ABHD12: variants seen among roughly 807,000 people sequenced by gnomAD.
The protein encoded by ABHD12 is abhydrolase domain containing 12, lysophospholipase.
A neutral mutation model predicts 58.3 loss-of-function variants in ABHD12; 43 were observed. That is an observed-to-expected ratio of 0.74 (90% CI 0.58 to 0.95). The LOEUF (loss-of-function observed/expected upper bound fraction) is 0.95, where lower values mean the gene tolerates loss of function less well. Among genes scored for constraint, ABHD12 ranks in the 40% least tolerant of loss-of-function variants. The pLI, the probability that ABHD12 is intolerant of heterozygous loss-of-function variation, is 0.00. For synonymous variants in ABHD12, 219 were observed against 211.2 expected, an observed-to-expected ratio of 1.04 and a Z score of -0.32; for missense variants, 539 against 537.2, an observed-to-expected ratio of 1.00 and a Z score of -0.03.
At chr20:25,327,298 C>A (rs1465980278) in intron 2 of ABHD12, among the ~76,000 whole-genome samples, 3 of 152,126 alleles carry the variant, frequency 2.0e-5, no homozygotes, top group African/African-American at 7.2e-5. Context: ...GAAACCCTGT[C>A]TCTACTAAAA....
At chr20:25,323,654 G>C (rs1600798568) in intron 2 of ABHD12, among the ~76,000 whole-genome samples, 1 of 152,218 alleles carries the variant, frequency 6.6e-6, no homozygotes, top group Non-Finnish European at 1.5e-5. Flanking sequence ...CCTCAGGCAG[G>C]GTATGGGCTG....
At chr20:25,302,542 G>A (rs2088657178) in intron 11 of ABHD12, among the ~76,000 whole-genome samples, 196 bp from the exon 12 acceptor site, 1 of 152,064 alleles carries the variant, frequency 6.6e-6, no homozygotes, top group East Asian at 1.9e-4. Context: ...TTGGCTCCTG[G>A]GCACACACCA....
At chr20:25,304,629 G>A (rs1294793118) in intron 10 of ABHD12, among the ~76,000 whole-genome samples, 1 of 152,034 alleles carries the variant, frequency 6.6e-6, no homozygotes, top group Non-Finnish European at 1.5e-5. Context: ...GTGCAGTGGT[G>A]CGATCTCAGC....
At chr20:25,316,630 T>C (rs1326912437) in intron 5 of ABHD12, among the ~76,000 whole-genome samples, 1 of 152,130 alleles carries the variant, frequency 6.6e-6, no homozygotes, top group Non-Finnish European at 1.5e-5. Flanking sequence ...GCCAAGGCCC[T>C]ACCTTCCAGC....
chr20:25,355,005 C>CT (rs1411146408), intron 1 of ABHD12, among the ~76,000 whole-genome samples: 1 of 152,122 alleles, frequency 6.6e-6, no homozygotes, highest in Non-Finnish European at 1.5e-5. Flanking sequence ...ACATTATTTC[C>CT]TAAGAGGTCT....
rs2089023919 is a variant in ABHD12, at chr20:25,319,396, C to T, written c.542+803G>A. Among the ~76,000 whole-genome samples the T allele has an allele frequency of 3.3e-5, 5 of 152,330 alleles. 1 individual carries two copies. Among genetic ancestry groups the T allele is most frequent in the African/African-American group, 1.2e-4 (5 of 41,572 alleles). On this transcript the variant is annotated intron_variant, in intron 4 of 12. Coordinates refer to ENST00000339157, the MANE Select transcript of ABHD12 (RefSeq NM_001042472.3). ...TAACCAAAGAGTGCATGAACTTCAG[C>T]AACAGCCCGTTAGGGTGAGCAGAGA...
At chr20:25,295,963 T>C (rs2088536274), downstream of ABHD12, among the ~76,000 whole-genome samples, 1 of 152,152 alleles carries the variant, frequency 6.6e-6, no homozygotes. Context: ...CAGTCAGGGC[T>C]GGCCTCGAGG....
At chr20:25,327,804 A>T (rs1286866539) in intron 2 of ABHD12, among the ~76,000 whole-genome samples, 1 of 152,204 alleles carries the variant, frequency 6.6e-6, no homozygotes, top group Non-Finnish European at 1.5e-5. Flanking sequence ...GCTCCTGGTG[A>T]TAAAATCACT....
At chr20:25,296,612 G>GT, downstream of ABHD12, 1 of 1,474,046 alleles carries the variant, frequency 6.8e-7, no homozygotes, top group South Asian at 1.3e-5. Flanking sequence ...CCAGCCACTG[G>GT]TGGTCCCTGC....
At chr20:25,368,422 A>C in intron 1 of ABHD12, 2 of 1,598,852 alleles carry the variant, frequency 1.3e-6, no homozygotes, top group Non-Finnish European at 1.7e-6. Context: ...CAGTCTTGGC[A>C]GTGCAGATGA....
intron 1 of ABHD12, chr20:25,339,865 C>T (rs1356290499): frequency 1.3e-4 from 112 of 889,504 alleles, no homozygotes; most frequent in Non-Finnish European, 1.6e-4. Context: ...AGAACTGGCA[C>T]GGTGTGTCCT....
At position 25,390,536 on chromosome 20, in the gene ABHD12, C is replaced by T; in HGVS notation, c.168G>A (p.Ala56=). The change falls in exon 1 of 13, where the codon GCG becomes GCA. Residue 56 remains alanine (A), a synonymous_variant. Transcript: ENST00000339157. The part of the protein sequence containing the change: ...AAAEPRCAAD[A]GMKRALGRRK... ...ACCTGCCCAGCGCCCGCTTCATTCC[C>T]GCGTCGGCTGCGCAGCGCGGCTCAG... 3 of 1,467,030 alleles carry T rather than the reference C, an allele frequency of 2.0e-6. No individual in the cohort carries two copies. Among genetic ancestry groups the T allele is most frequent in the South Asian group, 1.3e-5 (1 of 78,278 alleles). 90.9% of individuals were successfully genotyped at this position (1,467,030 alleles called of 1,614,324 possible). A position where few individuals can be genotyped will look rare whatever the true frequency, so the allele number is the denominator to read the frequency against.
intron 2 of ABHD12, among the ~76,000 whole-genome samples, chr20:25,328,501 G>A (rs1600806039): frequency 6.6e-6 from 1 of 152,326 alleles, no homozygotes; most frequent in East Asian, 1.9e-4. Flanking sequence ...TGAGGGCCGA[G>A]GACACTGGGC....
intron 1 of ABHD12, among the ~76,000 whole-genome samples, chr20:25,355,062 A>C (rs1772225641): frequency 6.6e-6 from 1 of 152,214 alleles, no homozygotes; most frequent in African/African-American, 2.4e-5. Context: ...GGAAAAGTAA[A>C]GGTACAATCA....
chr20:25,297,196 A>G (rs1427786531), downstream of ABHD12: 1 of 152,530 alleles, frequency 6.6e-6, no homozygotes, highest in Non-Finnish European at 1.5e-5. Flanking sequence ...TGAGGGGGAC[A>G]CTGGAGTGGG....
At chr20:25,380,844 T>C (rs1469469325) in intron 1 of ABHD12, among the ~76,000 whole-genome samples, 1 of 152,178 alleles carries the variant, frequency 6.6e-6, no homozygotes, top group African/African-American at 2.4e-5. Flanking sequence ...CTCTATCCCC[T>C]ATCCACCTGG....
chr20:25,322,381 A>ATATATATATTTTT lies in ABHD12; in HGVS notation c.422+943_422+944insAAAAATATATATA. ...GGAAAAGATATATATATATATATAT[A>ATATATATATTTTT]TTTTTTTTTTTTTTTGAGACAAGAG... is the stretch of plus-strand genomic sequence containing the variant. On this transcript the variant is annotated intron_variant, in intron 3 of 12. Transcript: ENST00000339157. Among the ~76,000 whole-genome samples, 30 of 59,264 alleles carry ATATATATATTTTT rather than the reference A, an allele frequency of 5.1e-4. 1 individual carries two copies. Among genetic ancestry groups the ATATATATATTTTT allele is most frequent in the African/African-American group, 1.7e-3 (21 of 12,092 alleles). The allele number at this position is 59,264 out of a possible 152,430, so 38.9% of individuals were successfully genotyped here. A position where few individuals can be genotyped will look rare whatever the true frequency, so the allele number is the denominator to read the frequency against.
chr20:25,388,061 C>T (rs2090117567), intron 1 of ABHD12, among the ~76,000 whole-genome samples: 3 of 125,124 alleles, frequency 2.4e-5, no homozygotes, highest in South Asian at 5.1e-4. Context: ...AAAAAAAAAT[C>T]CAATCCTTCA....
rs149972914 is a variant in ABHD12 at position 25,377,938 on chromosome 20, C to T, written c.191+12575G>A. Among the ~76,000 whole-genome samples, 6 of 152,276 alleles carry T rather than the reference C, an allele frequency of 3.9e-5. No individual in the cohort carries two copies. The East Asian group carries it at 7.7e-4, about 20-fold the overall frequency. ...GTCTTGATCTCTTGATCTCGTGTTC[C>T]GCCCACCTCAGCCTCCCAAAGTGCT... is the stretch of plus-strand genomic sequence containing the variant. On this transcript the variant is annotated intron_variant, in intron 1 of 12. Transcript: ENST00000339157.
Sources: gnomAD v4.1 joint callset for allele counts (sites outside exome capture counted in the v4.1 genomes callset) on GRCh38, gnomAD v4.1.1 for gene constraint, MANE v1.5 for transcripts, NCBI Gene and HGNC (gene_info 2026-07-23, HGNC 2026-07-21) for gene names.